INTS9: variants seen among roughly 807,000 people sequenced by gnomAD.
INTS9 encodes protein related to CPSF subunits of 74 kDa.
In INTS9, 55 loss-of-function variants were observed where a neutral mutation model predicts 79.7. The ratio of observed to expected loss-of-function variants is 0.69; its 90% CI spans 0.56 to 0.86. INTS9 has a LOEUF of 0.86. Among genes scored for constraint, INTS9 ranks in the 40% least tolerant of loss-of-function variants. INTS9 has a pLI of 0.00. For synonymous variants in INTS9, 319 were observed against 325.2 expected (o/e 0.98, Z 0.20); for missense variants, 721 against 831.5 (o/e 0.87, Z 1.64).
chr8:28,784,024 C>T (rs1803445662), intron 11 of INTS9: 1 of 152,242 alleles, frequency 6.6e-6, no homozygotes, highest in Non-Finnish European at 1.5e-5. Context: ...ATCTACCTTT[C>T]TAGCCAACTT....
chr8:28,837,083 G>A (rs895098330), intron 5 of INTS9, among the ~76,000 whole-genome samples: 2 of 152,156 alleles, frequency 1.3e-5, no homozygotes, highest in African/African-American at 4.8e-5. Flanking sequence ...GCAGAGAAAG[G>A]GATGGCAGAG....
chr8:28,877,848 G>A (rs1248177506), intron 1 of INTS9, among the ~76,000 whole-genome samples: 2 of 152,136 alleles, frequency 1.3e-5, no homozygotes, highest in African/African-American at 2.4e-5. Context: ...GGAGGGTGTT[G>A]GTGGTGGAAC....
At chr8:28,889,070 T>C (rs549255853) in intron 1 of INTS9, among the ~76,000 whole-genome samples, 3 of 152,268 alleles carry the variant, frequency 2.0e-5, no homozygotes, top group East Asian at 1.9e-4. Flanking sequence ...TTTTAAAAGG[T>C]TGAGAAACAG....
chr8:28,848,649 A>C (rs574303503), intron 3 of INTS9, among the ~76,000 whole-genome samples: 4 of 152,328 alleles, frequency 2.6e-5, no homozygotes, highest in African/African-American at 9.6e-5. Flanking sequence ...AAATCATGGG[A>C]AATTTCAAAG....
intron 1 of INTS9, among the ~76,000 whole-genome samples, chr8:28,876,937 T>C: frequency 6.6e-6 from 1 of 151,974 alleles, no homozygotes; most frequent in South Asian, 2.1e-4. Context: ...CAAAGAAACA[T>C]TTAAAAAAAG....
intron 10 of INTS9, among the ~76,000 whole-genome samples, chr8:28,790,261 C>T (rs1035331638): frequency 3.3e-5 from 5 of 152,164 alleles, no homozygotes; most frequent in African/African-American, 1.2e-4. Flanking sequence ...TGTGGTGGTC[C>T]TGGCATGGGG....
chr8:28,814,688 G>A (rs757454640), intron 6 of INTS9, among the ~76,000 whole-genome samples: 8 of 152,036 alleles, frequency 5.3e-5, no homozygotes, highest in Non-Finnish European at 8.8e-5. Flanking sequence ...TCTGGACTAC[G>A]GGAAACCATC....
chr8:28,813,648 C>G, intron 6 of INTS9, 36 bp from the exon 7 acceptor site: 1 of 1,607,782 alleles, frequency 6.2e-7, no homozygotes, highest in Admixed American at 1.7e-5. Flanking sequence ...ACCAGGTGAA[C>G]ATTTCTTCAT....
At chr8:28,827,296 T>C (rs572164786) in intron 6 of INTS9, among the ~76,000 whole-genome samples, 1 of 152,360 alleles carries the variant, frequency 6.6e-6, no homozygotes, top group Non-Finnish European at 1.5e-5. Flanking sequence ...GGCTCTGACA[T>C]GATGCCAAAG....
At chr8:28,786,763 G>A (rs185047281) in intron 11 of INTS9, among the ~76,000 whole-genome samples, 20 of 152,188 alleles carry the variant, frequency 1.3e-4, no homozygotes, top group Admixed American at 5.2e-4. Flanking sequence ...TGTGACCCAG[G>A]CTAGAGTGCA....
At chr8:28,824,015 T>C (rs1030834132) in intron 6 of INTS9, among the ~76,000 whole-genome samples, 6 of 152,230 alleles carry the variant, frequency 3.9e-5, no homozygotes, top group African/African-American at 1.2e-4. Context: ...TAGGTACACA[T>C]AGTGAACTGC....
At chr8:28,804,835 T>C (rs1331895357) in intron 8 of INTS9, among the ~76,000 whole-genome samples, 4 of 152,174 alleles carry the variant, frequency 2.6e-5, no homozygotes, top group African/African-American at 9.7e-5. Flanking sequence ...CTAGAAATAC[T>C]GTGAACAAAA....
At chr8:28,810,789 A>C (rs956080461) in intron 8 of INTS9, among the ~76,000 whole-genome samples, 1 of 152,326 alleles carries the variant, frequency 6.6e-6, no homozygotes. Flanking sequence ...ACCAAAAAGG[A>C]GTAAGTATCA....
Position 28,889,929 on chromosome 8 carries a change from C to T in INTS9, c.-47G>A, listed in dbSNP as rs776388919. The T allele has an allele frequency of 2.5e-5, 38 of 1,550,404 alleles. No homozygotes were observed. The highest frequency in any genetic ancestry group is 3.4e-5 in the Non-Finnish European group (38 of 1,124,610). On this transcript the variant is annotated 5_prime_UTR_variant, in exon 1 of 17. Transcript: ENST00000521022. ...TAGCAGTCACTGAACTCCTCAAACCCAGGAAGCGTCTTCCGGTGCAATCTC... is the reference window on the plus strand; with the variant it reads ...TAGCAGTCACTGAACTCCTCAAACCTAGGAAGCGTCTTCCGGTGCAATCTC...
intron 6 of INTS9, among the ~76,000 whole-genome samples, chr8:28,816,458 C>G (rs141517716): frequency 0.033 from 5,012 of 151,598 alleles, 138 homozygotes; most frequent in Middle Eastern, 0.061. Context: ...CCAATTTCGT[C>G]CATGTCCCTA....
intron 1 of INTS9, among the ~76,000 whole-genome samples, chr8:28,877,287 T>G (rs1809445630): frequency 6.6e-6 from 1 of 152,068 alleles, no homozygotes; most frequent in Non-Finnish European, 1.5e-5. Flanking sequence ...GAGCAGGAAA[T>G]GGAAATACAA....
intron 8 of INTS9, among the ~76,000 whole-genome samples, chr8:28,805,724 T>C (rs866288399): frequency 2.0e-5 from 3 of 151,916 alleles, no homozygotes; most frequent in African/African-American, 7.3e-5. Flanking sequence ...ATAAGTAAGA[T>C]AGTCACAGAA....
chr8:28,817,666 A>C (rs1805576625), intron 6 of INTS9, among the ~76,000 whole-genome samples: 1 of 151,624 alleles, frequency 6.6e-6, no homozygotes, highest in Admixed American at 6.6e-5. Context: ...ATGAACTTTA[A>C]AGTAGTTTTT....
At chr8:28,852,672 G>C (rs1054450165) in intron 2 of INTS9, among the ~76,000 whole-genome samples, 15 of 152,212 alleles carry the variant, frequency 9.9e-5, no homozygotes, top group African/African-American at 3.6e-4. Flanking sequence ...GACAGATGCA[G>C]TTAGTTGTCC....
Sources: allele counts gnomAD v4.1 joint callset (sites outside exome capture counted in the v4.1 genomes callset), GRCh38; gene constraint gnomAD v4.1.1; transcripts MANE v1.5; gene names NCBI Gene and HGNC (gene_info 2026-07-23, HGNC 2026-07-21).